DNMT3A: variants seen among roughly 807,000 people sequenced by gnomAD.
DNMT3A encodes the protein DNA (cytosine-5)-methyltransferase 3A.
In DNMT3A, 267 loss-of-function variants were observed where a neutral mutation model predicts 117.6. The ratio of observed to expected loss-of-function variants is 2.27; its 90% CI spans 2.05 to 2.51. The LOEUF is 2.51. Ranked by LOEUF, DNMT3A falls within the 30% of genes most tolerant of loss-of-function variation. The probability of loss-of-function intolerance (pLI) is 0.00; values close to 1 mark genes in which losing one functional copy is unlikely to be tolerated. For missense variants in DNMT3A, 1,029 were observed against 1,260.2 expected, an observed-to-expected ratio of 0.82 and a Z score of 2.78; for synonymous variants, 432 against 474.8, an observed-to-expected ratio of 0.91 and a Z score of 1.17.
chr2:25,244,689 C>T (rs563165080), intron 13 of DNMT3A, 37 bp from the exon 14 acceptor site: 20 of 1,592,238 alleles, frequency 1.3e-5, no homozygotes, highest in Admixed American at 5.0e-5. Context: ...ACCACCAGGA[C>T]GGGTCCCAGG....
At chr2:25,266,676 C>T (rs2030378158) in intron 6 of DNMT3A, among the ~76,000 whole-genome samples, 1 of 152,196 alleles carries the variant, frequency 6.6e-6, no homozygotes. Context: ...GAAGCAGCAG[C>T]ACAAATGGCC....
intron 2 of DNMT3A, among the ~76,000 whole-genome samples, chr2:25,302,947 G>T (rs1488235289): frequency 1.3e-5 from 2 of 152,166 alleles, no homozygotes; most frequent in Non-Finnish European, 2.9e-5. Flanking sequence ...GCCTCTCGGA[G>T]CCTCAGTTTC....
At chr2:25,235,873 C>T (rs2149258109) in intron 21 of DNMT3A, 48 bp from the exon 22 acceptor site, 2 of 1,503,994 alleles carry the variant, frequency 1.3e-6, no homozygotes. Flanking sequence ...CATTCACCAG[C>T]CAACACTGGT....
rs2149325760 is a variant in DNMT3A, at chr2:25,252,124, C to T, written c.640-3872G>A. On this transcript the variant is annotated intron_variant, in intron 6 of 22. Transcript: ENST00000321117. This position sits in a 1 kb window ranked among gnomAD's most constrained non-coding sequence, Gnocchi z 5.5. The stretch of plus-strand genomic sequence containing the variant: ...CACTCTTTTCAAACCCGGAGGGCTG[C>T]GGAGATCCTCCCACCGGCCCTGCCG... The T allele has an allele frequency of 2.0e-6, 3 of 1,530,236 alleles. No homozygotes were observed. Among genetic ancestry groups the T allele is most frequent in the Non-Finnish European group, 2.6e-6 (3 of 1,135,184 alleles). 94.8% of individuals were successfully genotyped at this position (1,530,236 alleles called of 1,614,324 possible). A position where few individuals can be genotyped will look rare whatever the true frequency, so the allele number is the denominator to read the frequency against.
At chr2:25,324,216 ATGTGCCAAGCAC>A in intron 1 of DNMT3A, among the ~76,000 whole-genome samples, 1 of 152,322 alleles carries the variant, frequency 6.6e-6, no homozygotes, top group East Asian at 1.9e-4. Context: ...AGCACCTACC[ATGTGCCAAGCAC>A]TGTGCTAAGG....
At position 25,296,544 on chromosome 2, in the gene DNMT3A, T is replaced by G. The variant is rs1573448396; in HGVS notation, c.177+3595A>C. On this transcript the variant is annotated intron_variant, in intron 3 of 22. Transcript: ENST00000321117. The surrounding 1 kb of genome is among the most constrained non-coding windows in gnomAD (Gnocchi z 4.2). The stretch of plus-strand genomic sequence containing the variant: ...GGACGTGCCGGTGCTACATTTACTG[T>G]GATTATGTGTGGCCTCCTCTCTCCA... 6.6e-6 allele frequency among the ~76,000 whole-genome samples: 1 copy of G among 152,062 alleles called. No individual in the cohort carries two copies. The highest frequency in any genetic ancestry group is 2.4e-5 in the African/African-American group (1 of 41,386).
intron 19 of DNMT3A, 65 bp from the exon 20 acceptor site, chr2:25,239,280 C>CT: frequency 6.8e-7 from 1 of 1,469,342 alleles, no homozygotes; most frequent in Non-Finnish European, 9.4e-7. Context: ...CGGCATGCTG[C>CT]TGGGGTCGAG....
chr2:25,270,470 AAT>A (rs2030769528), intron 6 of DNMT3A, among the ~76,000 whole-genome samples: 1 of 152,186 alleles, frequency 6.6e-6, no homozygotes, highest in Non-Finnish European at 1.5e-5. Flanking sequence ...AGGTGCCCTG[AAT>A]GAAAGGTTGC....
rs1249465729 is a variant in DNMT3A, at chr2:25,252,840, G to GA, written c.640-4589dup. Among the ~76,000 whole-genome samples the GA allele has an allele frequency of 6.6e-6, 1 of 152,142 alleles. No individual in the cohort carries two copies. Among genetic ancestry groups the GA allele is most frequent in the Admixed American group, 6.5e-5 (1 of 15,280 alleles). Reference sequence around the variant, plus strand: ...TGTAGGAAAACTCAGCACACAGACGGAGAGTGACAGCAGGCGCGCGCAGGC... The same window carrying GA: ...TGTAGGAAAACTCAGCACACAGACGGAAGAGTGACAGCAGGCGCGCGCAGGC... On this transcript the variant is annotated intron_variant, in intron 6 of 22. Coordinates refer to ENST00000321117, the MANE Select transcript of DNMT3A (RefSeq NM_022552.5). This position sits in a 1 kb window ranked among gnomAD's most constrained non-coding sequence, Gnocchi z 5.5.
At chr2:25,245,935 A>T (rs1573333140) in intron 12 of DNMT3A, 85 bp downstream of exon 12, 1 of 1,561,120 alleles carries the variant, frequency 6.4e-7, no homozygotes, top group Non-Finnish European at 8.8e-7. Context: ...CCCTGGTCCC[A>T]TGTCATTCAA....
intron 4 of DNMT3A, among the ~76,000 whole-genome samples, chr2:25,276,766 C>T (rs2031448496): frequency 6.6e-6 from 1 of 152,268 alleles, no homozygotes; most frequent in Non-Finnish European, 1.5e-5. Flanking sequence ...GGGCCTGGGC[C>T]CACTGCAGGA....
At chr2:25,308,992 C>CACAG (rs1288907075) in intron 2 of DNMT3A, among the ~76,000 whole-genome samples, 1 of 151,986 alleles carries the variant, frequency 6.6e-6, no homozygotes, top group Non-Finnish European at 1.5e-5. Flanking sequence ...CACACACACA[C>CACAG]ACACACACGC....
intron 6 of DNMT3A, among the ~76,000 whole-genome samples, chr2:25,263,931 C>A (rs2029921125): frequency 6.6e-6 from 1 of 152,194 alleles, no homozygotes; most frequent in African/African-American, 2.4e-5. Flanking sequence ...ATTTCTAAAA[C>A]AACCCTGCCC....
At chr2:25,269,135 A>G (rs1044479829) in intron 6 of DNMT3A, among the ~76,000 whole-genome samples, 31 of 152,352 alleles carry the variant, frequency 2.0e-4, no homozygotes, top group African/African-American at 7.2e-4. Flanking sequence ...CAGCCAGGTC[A>G]ACATAGCAAA....
rs1558675026 is a variant in DNMT3A, at chr2:25,248,343, CG to C, written c.640-92del. On this transcript the variant is annotated intron_variant, in intron 6 of 22. Coordinates refer to ENST00000321117, the MANE Select transcript of DNMT3A (RefSeq NM_022552.5). Reference sequence around the variant, plus strand: ...CAAGGGGACCATGTTTGTCAAAACCCGGAACAGTGACAGAAGGTCAAGGGCT... The same window carrying C: ...CAAGGGGACCATGTTTGTCAAAACCCGAACAGTGACAGAAGGTCAAGGGCT... The C allele has an allele frequency of 7.8e-6, 11 of 1,415,080 alleles. No homozygotes were observed. The Admixed American group carries it at 2.4e-4, about 30-fold the overall frequency. 87.7% of individuals were successfully genotyped at this position (1,415,080 alleles called of 1,614,324 possible).
At chr2:25,303,904 G>A (rs779136925) in intron 2 of DNMT3A, among the ~76,000 whole-genome samples, 27 of 152,248 alleles carry the variant, frequency 1.8e-4, no homozygotes, top group Non-Finnish European at 3.2e-4. Flanking sequence ...GTTCATTCTC[G>A]CATCTGTCAC....
intron 1 of DNMT3A, among the ~76,000 whole-genome samples, chr2:25,329,960 C>G (rs895716357): frequency 6.6e-6 from 1 of 152,204 alleles, no homozygotes; most frequent in African/African-American, 2.4e-5. Flanking sequence ...CCATTCATAA[C>G]ATTGTTCTGA....
chr2:25,239,049 G>A (rs1313502160), intron 20 of DNMT3A, 81 bp downstream of exon 20: 8 of 1,283,098 alleles, frequency 6.2e-6, no homozygotes, highest in Middle Eastern at 2.3e-4. Flanking sequence ...GAGAGGGCCC[G>A]GCTCAGGGGC....
At position 25,229,155 on chromosome 2, in the gene DNMT3A, C is replaced by T. The variant is rs1246526823; in HGVS notation, c.*5124G>A. ...AACACAGAGGCAAGGTTCCCCAACT[C>T]GATCCTCAAAGACCCTGGCCTGCCT... On this transcript the variant is annotated 3_prime_UTR_variant, in exon 23 of 23. Coordinates refer to ENST00000321117, the MANE Select transcript of DNMT3A (RefSeq NM_022552.5). The T allele has an allele frequency of 2.6e-5, 4 of 152,300 alleles. No homozygotes were observed. Among genetic ancestry groups the T allele is most frequent in the South Asian group, 2.1e-4 (1 of 4,824 alleles). The allele number at this position is 152,300 out of a possible 1,614,324, so 9.4% of individuals were successfully genotyped here.
Sources: gnomAD v4.1 joint callset for allele counts (sites outside exome capture counted in the v4.1 genomes callset) on GRCh38, gnomAD v4.1.1 for gene constraint, Gnocchi (gnomAD v3.1) non-coding constraint, MANE v1.5 for transcripts, NCBI Gene and HGNC (gene_info 2026-07-23, HGNC 2026-07-21) for gene names.